Variants in PLXNC1 observed in about 807,000 individuals in gnomAD.
PLXNC1 encodes plexin-C1.
PLXNC1 carries 75 observed loss-of-function variants against 178.2 expected under a neutral mutation model. The ratio of observed to expected loss-of-function variants is 0.42; its 90% confidence interval spans 0.35 to 0.51. PLXNC1 has a LOEUF of 0.51. Ranked by LOEUF, PLXNC1 falls within the 20% of genes least tolerant of loss-of-function variation. PLXNC1 has a pLI of 0.02. For synonymous variants in PLXNC1, 790 were observed against 779.9 expected, an observed-to-expected ratio of 1.01 and a Z score of -0.22; for missense variants, 1,503 against 1,984.4, an observed-to-expected ratio of 0.76 and a Z score of 4.61.
rs760354158 is a variant in PLXNC1, at chr12:94,149,064, C to T, written c.93C>T (p.Pro31=). Reference sequence around the variant, plus strand: ...CCTATCTGCTGGCACTGGCGGCTCCCGGCCGGGGCGCGGACGAGCCCGTGT... The same window carrying T: ...CCTATCTGCTGGCACTGGCGGCTCCTGGCCGGGGCGCGGACGAGCCCGTGT... ...LLAYLLALAA[P]GRGADEPVWR... The change falls in exon 1 of 31, where the codon CCC becomes CCT. Residue 31 remains proline, a synonymous_variant. Transcript: ENST00000258526. The T allele has an allele frequency of 1.9e-6, 3 of 1,552,330 alleles. No homozygotes were observed. The South Asian group carries it at 3.5e-5, about 18-fold the overall frequency.
At chr12:94,155,693 CCTTCACT>C (rs1961141511) in intron 1 of PLXNC1, among the ~76,000 whole-genome samples, 2 of 152,324 alleles carry the variant, frequency 1.3e-5, no homozygotes, top group South Asian at 4.1e-4. Context: ...TTAATTAGCT[CCTTCACT>C]CTTGCATATA....
At chr12:94,256,760 A>G (rs928513455) in intron 17 of PLXNC1, among the ~76,000 whole-genome samples, 7 of 152,034 alleles carry the variant, frequency 4.6e-5, no homozygotes, top group African/African-American at 1.7e-4. Context: ...TGAAAAAAGA[A>G]ATGTTCTTAT....
At chr12:94,209,021 G>C (rs144090936) in intron 4 of PLXNC1, among the ~76,000 whole-genome samples, 76 of 152,320 alleles carry the variant, frequency 5.0e-4, no homozygotes, top group African/African-American at 1.8e-3. Flanking sequence ...TAAATAAATG[G>C]TATGTAGCAG....
chr12:94,216,675 A>G (rs1014203256), intron 5 of PLXNC1, among the ~76,000 whole-genome samples: 8 of 152,254 alleles, frequency 5.3e-5, no homozygotes, highest in Admixed American at 3.9e-4. Flanking sequence ...CTAGGCATGA[A>G]GATGCTCTTG....
At position 94,240,623 on chromosome 12, in the gene PLXNC1, G is replaced by T. The variant is rs1245251162; in HGVS notation, c.2259G>T (p.Leu753=). 6.2e-7 allele frequency: 1 copy of T among 1,613,660 alleles called. No individual in the cohort carries two copies. Among genetic ancestry groups the T allele is most frequent in the Non-Finnish European group, 8.5e-7 (1 of 1,179,788 alleles). The change falls in exon 11 of 31, where the codon CTG becomes CTT. Residue 753 remains leucine, a synonymous_variant. Transcript: ENST00000258526. ...TGGGATCCTTATCCTACATTGCTCT[G>T]CCACATTGTTCCCTTATATTTCCTG... ...SSVGSLSYIA[L]PHCSLIFPAT... is the part of the protein sequence containing the mutation.
rs1198392021 is a variant in PLXNC1, at chr12:94,214,273, G to A, written c.1554+4569G>A. Among the ~76,000 whole-genome samples, 5 of 152,054 alleles carry A rather than the reference G, an allele frequency of 3.3e-5. No homozygotes were observed. The South Asian group carries it at 8.3e-4, about 25-fold the overall frequency. The stretch of plus-strand genomic sequence containing the variant: ...CTAATTTTTAAAAATTTTTTATAGA[G>A]ATAAGGTCTCCCTATGTTGCCCAGG... On this transcript the variant is annotated intron_variant, in intron 5 of 30. Coordinates refer to ENST00000258526, the MANE Select transcript of PLXNC1 (RefSeq NM_005761.3).
intron 22 of PLXNC1, chr12:94,280,051 T>C (rs181334407): frequency 2.9e-6 from 1 of 348,028 alleles, no homozygotes; most frequent in East Asian, 7.7e-5. Context: ...GAGCGTGTCA[T>C]TACTGGGTGG....
intron 11 of PLXNC1, among the ~76,000 whole-genome samples, chr12:94,242,726 A>G (rs1964424222): frequency 6.6e-6 from 1 of 152,140 alleles, no homozygotes; most frequent in Admixed American, 6.5e-5. Context: ...ATATAAAAGG[A>G]GACATTGATG....
At chr12:94,251,115 TTAC>T (rs10598926) in intron 14 of PLXNC1, among the ~76,000 whole-genome samples, 87,442 of 151,652 alleles carry the variant, frequency 0.58, 25,498 homozygotes, top group East Asian at 0.75. Context: ...TGCCTACAGG[TTAC>T]TACTGCCTCT....
At chr12:94,233,568 C>T (rs1157121229) in intron 9 of PLXNC1, among the ~76,000 whole-genome samples, 1 of 152,342 alleles carries the variant, frequency 6.6e-6, no homozygotes, top group Admixed American at 6.5e-5. Flanking sequence ...CTGTCACCTT[C>T]TATCTGGAAG....
At chr12:94,179,479 G>A (rs770671233) in intron 2 of PLXNC1, among the ~76,000 whole-genome samples, 6 of 152,128 alleles carry the variant, frequency 3.9e-5, no homozygotes, top group East Asian at 1.9e-4. Flanking sequence ...GGTGGCTCAC[G>A]CCTGTAATCC....
At chr12:94,291,696 C>T (rs1052394394) in intron 23 of PLXNC1, among the ~76,000 whole-genome samples, 1 of 152,206 alleles carries the variant, frequency 6.6e-6, no homozygotes, top group Non-Finnish European at 1.5e-5. Context: ...CCTTATTTCC[C>T]CCAGCCCTGC....
rs150885928 is a variant in PLXNC1 at position 94,178,977 on chromosome 12, T to C, written c.1204-2469T>C. Among the ~76,000 whole-genome samples the C allele has an allele frequency of 1.2e-4, 19 of 152,304 alleles. 1 individual carries two copies. The highest frequency in any genetic ancestry group is 4.6e-4 in the African/African-American group (19 of 41,566). On this transcript the variant is annotated intron_variant, in intron 2 of 30. Transcript: ENST00000258526. ...TTTACAAAGCTGCTGCTGAATTTGATGAGCAGTCCAAGGGCTTCAAGTGAG... is the reference window on the plus strand; with the variant it reads ...TTTACAAAGCTGCTGCTGAATTTGACGAGCAGTCCAAGGGCTTCAAGTGAG...
intron 30 of PLXNC1, 193 bp downstream of exon 30, chr12:94,304,244 T>C: frequency 4.1e-6 from 2 of 483,298 alleles, no homozygotes; most frequent in South Asian, 6.6e-5. Flanking sequence ...AGTTTTATCA[T>C]GCTGCCCACA....
At position 94,149,881 on chromosome 12, in the gene PLXNC1, G is replaced by T; in HGVS notation, c.910G>T (p.Asp304Tyr). Residue 304 changes from aspartate (D) to tyrosine (Y), a missense_variant, in exon 1 of 31, where the codon GAC (aspartate) becomes TAC (tyrosine). Around this residue, in one of 4 missense-constraint regions of PLXNC1, gnomAD observed 615 missense variants for 698.6 expected, o/e 0.88. Coordinates refer to ENST00000258526, the MANE Select transcript of PLXNC1 (RefSeq NM_005761.3). ...LLSSSLVEAL[D>Y]VWAGVFSAAA... The stretch of plus-strand genomic sequence containing the variant: ...CTCCTCCAGCCTAGTGGAGGCCCTG[G>T]ACGTCTGGGCGGGAGTGTTCAGCGC... The T allele has an allele frequency of 6.3e-7, 1 of 1,588,370 alleles. No individual in the cohort carries two copies. Among genetic ancestry groups the T allele is most frequent in the Non-Finnish European group, 8.6e-7 (1 of 1,168,050 alleles).
At chr12:94,167,363 G>T (rs112379296) in intron 1 of PLXNC1, among the ~76,000 whole-genome samples, 28 of 152,326 alleles carry the variant, frequency 1.8e-4, no homozygotes, top group African/African-American at 5.5e-4. Context: ...GTTGTGAGAT[G>T]AAGGGAATGG....
At chr12:94,262,396 C>A in intron 20 of PLXNC1, 1 of 689,562 alleles carries the variant, frequency 1.5e-6, no homozygotes, top group Non-Finnish European at 1.8e-6. Context: ...TCTACTGGAT[C>A]TTGTGATTCT....
intron 1 of PLXNC1, among the ~76,000 whole-genome samples, chr12:94,156,775 A>C (rs1449800876): frequency 6.8e-6 from 1 of 146,808 alleles, no homozygotes; most frequent in Admixed American, 7.0e-5. Context: ...TGGCATGATC[A>C]TAGCTTATTG....
chr12:94,207,894 T>C (rs575483079), intron 4 of PLXNC1, among the ~76,000 whole-genome samples: 3 of 152,334 alleles, frequency 2.0e-5, no homozygotes, highest in East Asian at 3.9e-4. Flanking sequence ...ACAAAAATAT[T>C]TGTACTCCAG....
Sources: allele counts gnomAD v4.1 joint callset (sites outside exome capture counted in the v4.1 genomes callset), GRCh38; gene constraint gnomAD v4.1.1; regional missense constraint gnomAD v4.1.1; transcripts MANE v1.5; gene names NCBI Gene and HGNC (gene_info 2026-07-23, HGNC 2026-07-21).